KATNB1: variants seen among roughly 807,000 people sequenced by gnomAD.
KATNB1 encodes the protein katanin regulatory subunit B1, also known as katanin p80 WD40 repeat-containing subunit B1.
In KATNB1, 38 loss-of-function variants were observed where a neutral mutation model predicts 82.3. That is an observed-to-expected ratio of 0.46 (90% CI 0.36 to 0.61). The LOEUF is 0.61. Ranked by LOEUF, KATNB1 falls within the 20% of genes least tolerant of loss-of-function variation. KATNB1 has a pLI of 0.00. For missense variants in KATNB1, 749 were observed against 915.7 expected, an observed-to-expected ratio of 0.82 and a Z score of 2.35; for synonymous variants, 361 against 368.7, an observed-to-expected ratio of 0.98 and a Z score of 0.24.
At chr16:57,756,726 C>T (rs2049291343) in intron 19 of KATNB1, 88 bp from the exon 20 acceptor site, 1 of 1,451,506 alleles carries the variant, frequency 6.9e-7, no homozygotes, top group East Asian at 2.5e-5. Flanking sequence ...GGAGGAAGGG[C>T]TGGAGCAGTT....
Position 57,741,695 on chromosome 16 carries a change from G to A in KATNB1, c.49G>A (p.Val17Ile), listed in dbSNP as rs191188396. 53 of 1,613,778 alleles carry A rather than the reference G, an allele frequency of 3.3e-5. No homozygotes were observed. The East Asian group carries it at 5.1e-4, about 16-fold the overall frequency. Reference sequence around the variant, plus strand: ...TCTCCTTCCCTGTGTAGAAGAGATCGTCGCGCATGCCAGCAACGTGTCCTC... The same window carrying A: ...TCTCCTTCCCTGTGTAGAAGAGATCATCGCGCATGCCAGCAACGTGTCCTC... ...TKTAWKLQEI[V>I]AHASNVSSLV... Residue 17 changes from valine (V) to isoleucine (I), a missense_variant, in exon 3 of 20, where the codon GTC (valine) becomes ATC (isoleucine). Physicochemically the swap from Val to Ile is conservative, Grantham distance 29. Around this residue, in one of 3 missense-constraint regions of KATNB1, gnomAD observed 247 missense variants for 349.4 expected, o/e 0.71. Transcript: ENST00000379661.
intron 2 of KATNB1, among the ~76,000 whole-genome samples, chr16:57,740,608 T>A (rs1164478545): frequency 1.3e-5 from 2 of 152,182 alleles, no homozygotes; most frequent in Non-Finnish European, 1.5e-5. Context: ...CTGTCTTTTT[T>A]CTCCCTTCTT....
intron 13 of KATNB1, among the ~76,000 whole-genome samples, chr16:57,754,228 C>T (rs1204256259): frequency 6.6e-6 from 1 of 151,988 alleles, no homozygotes; most frequent in East Asian, 1.9e-4. Flanking sequence ...CAAACATGGA[C>T]ACCACCACAC....
chr16:57,754,237 AC>A (rs1222693522), intron 13 of KATNB1, among the ~76,000 whole-genome samples: 3 of 151,754 alleles, frequency 2.0e-5, no homozygotes, highest in African/African-American at 7.3e-5. Flanking sequence ...ACACCACCAC[AC>A]TGGGGGGCCT....
In KATNB1 at chr16:57,751,435, G is replaced by T; in HGVS notation, c.432+133G>T. The T allele has an allele frequency of 1.9e-6, 2 of 1,063,684 alleles. No homozygotes were observed. 65.9% of individuals were successfully genotyped at this position (1,063,684 alleles called of 1,614,324 possible). A position where few individuals can be genotyped will look rare whatever the true frequency, so the allele number is the denominator to read the frequency against. ...TGATAACATAAAACATAGACCTGGA[G>T]CTGAGCAGGAGCGCCATGGGCGGCC... is the stretch of plus-strand genomic sequence containing the variant. On this transcript the variant is annotated intron_variant, in intron 6 of 19. Transcript: ENST00000379661. This position sits in a 1 kb window ranked among gnomAD's most constrained non-coding sequence, Gnocchi z 6.3.
intron 4 of KATNB1, among the ~76,000 whole-genome samples, chr16:57,747,851 A>T (rs57899078): frequency 6.6e-6 from 1 of 152,188 alleles, no homozygotes; most frequent in East Asian, 1.9e-4. Context: ...TTTTGCTCAC[A>T]GGGGAAATGT....
rs145459183 is a variant in KATNB1, at chr16:57,753,491, C to T, written c.1149C>T (p.Asn383=). The T allele has an allele frequency of 1.4e-4, 221 of 1,613,200 alleles. 1 individual carries two copies. The Middle Eastern group carries it at 5.9e-3, about 43-fold the overall frequency. ...RAEIQNAEDY[N]EIFQPKNSIS... ...AGATCCAGAACGCCGAGGACTACAA[C>T]GAGATCTTCCAGCCCAAGAACAGCA... The change falls in exon 12 of 20, where the codon AAC becomes AAT. Residue 383 remains asparagine, a synonymous_variant. Transcript: ENST00000379661.
chr16:57,754,901 A>G (rs375697637), intron 13 of KATNB1, 29 bp from the exon 14 acceptor site: 186 of 1,613,184 alleles, frequency 1.2e-4, no homozygotes, highest in Non-Finnish European at 9.4e-5. Context: ...TTCTGGCCGG[A>G]CCCAGTCATC....
At position 57,753,313 on chromosome 16, in the gene KATNB1, CAG is replaced by C. The variant is rs781884161; in HGVS notation, c.1046+47_1046+48del. On this transcript the variant is annotated intron_variant, in intron 11 of 19. Transcript: ENST00000379661. ...CGGGGGCCCAGGAGAGGGACTGTCACAGGGGAAGCCTCGGAGTTCCAGCCCTG... is the reference window on the plus strand; with the variant it reads ...CGGGGGCCCAGGAGAGGGACTGTCACGGGAAGCCTCGGAGTTCCAGCCCTG... 6 of 1,578,430 alleles carry C rather than the reference CAG, an allele frequency of 3.8e-6. No individual in the cohort carries two copies. The Admixed American group carries it at 5.3e-5, about 14-fold the overall frequency.
intron 13 of KATNB1, 101 bp downstream of exon 13, chr16:57,754,096 C>G: frequency 9.9e-7 from 1 of 1,013,040 alleles, no homozygotes; most frequent in Non-Finnish European, 1.5e-6. Context: ...CCAGGACCCT[C>G]CCCTCTCAGG....
chr16:57,745,742 C>T (rs1555581269), intron 4 of KATNB1, among the ~76,000 whole-genome samples: 1 of 151,972 alleles, frequency 6.6e-6, no homozygotes, highest in Non-Finnish European at 1.5e-5. Context: ...TGTCATTTAC[C>T]ACTGACTATT....
chr16:57,744,547 C>A, intron 4 of KATNB1, 36 bp downstream of exon 4: 1 of 1,497,684 alleles, frequency 6.7e-7, no homozygotes, highest in Non-Finnish European at 9.3e-7. Flanking sequence ...GCACGCACAC[C>A]TGCCTTAGTC....
chr16:57,742,657 G>A (rs1231124135), intron 3 of KATNB1, among the ~76,000 whole-genome samples: 1 of 152,198 alleles, frequency 6.6e-6, no homozygotes, highest in Non-Finnish European at 1.5e-5. Context: ...ACATAATTTT[G>A]AATGGCTTAA....
chr16:57,737,701 T>TG (rs1188076221), intron 2 of KATNB1, among the ~76,000 whole-genome samples: 2 of 151,548 alleles, frequency 1.3e-5, no homozygotes, highest in Non-Finnish European at 2.9e-5. Flanking sequence ...GGGCCTGGGA[T>TG]GGGGGAAGGA....
intron 13 of KATNB1, 112 bp from the exon 14 acceptor site, chr16:57,754,818 G>T: frequency 9.0e-7 from 1 of 1,113,382 alleles, no homozygotes. Context: ...CCTCCCCCAT[G>T]CTCCTGCTCC....
At chr16:57,745,265 G>A (rs1207434101) in intron 4 of KATNB1, among the ~76,000 whole-genome samples, 1 of 151,944 alleles carries the variant, frequency 6.6e-6, no homozygotes, top group African/African-American at 2.4e-5. Context: ...TATAATCCCA[G>A]CACTTTGGGA....
intron 2 of KATNB1, 131 bp from the exon 3 acceptor site, chr16:57,741,556 G>C (rs531141747): frequency 4.5e-4 from 418 of 927,084 alleles, no homozygotes; most frequent in Non-Finnish European, 6.2e-4. Context: ...GACACCAAAG[G>C]GGGAGCTGAA....
chr16:57,738,331 C>G (rs566738692), intron 2 of KATNB1, among the ~76,000 whole-genome samples: 1 of 151,536 alleles, frequency 6.6e-6, no homozygotes, highest in African/African-American at 2.4e-5. Context: ...TCTCAGCTCA[C>G]TGCAACCTCT....
Position 57,754,940 on chromosome 16 carries a change from A to G in KATNB1, c.1239A>G (p.Thr413=). 1 of 1,614,044 alleles carries G rather than the reference A, an allele frequency of 6.2e-7. No homozygotes were observed. The highest frequency in any genetic ancestry group is 8.5e-7 in the Non-Finnish European group (1 of 1,180,024). The change falls in exon 14 of 20, where the codon ACA becomes ACG. Residue 413 remains threonine, a synonymous_variant. Coordinates refer to ENST00000379661, the MANE Select transcript of KATNB1 (RefSeq NM_005886.3). The part of the protein sequence containing the change: ...FPAPPEDDAA[T]AKEAAKPSPA... ...TCCTTTTGCCTCCAGACGCAGCCAC[A>G]GCAAAGGAGGCAGCAAAGCCCAGCC...
Sources: allele counts gnomAD v4.1 joint callset (sites outside exome capture counted in the v4.1 genomes callset), GRCh38; gene constraint gnomAD v4.1.1; regional missense constraint gnomAD v4.1.1; non-coding constraint Gnocchi (gnomAD v3.1); transcripts MANE v1.5; gene names NCBI Gene and HGNC (gene_info 2026-07-23, HGNC 2026-07-21).